LMO7: variants seen among roughly 807,000 people sequenced by gnomAD.
LMO7 encodes LIM domain only protein 7.
Under a neutral mutation model 206.5 loss-of-function variants are expected in LMO7, and 120 were observed. That is an observed-to-expected ratio of 0.58 (90% confidence interval 0.50 to 0.68). LMO7 has a LOEUF of 0.68. LMO7 is among the 30% of genes least tolerant of loss of function. The pLI is 0.00. For synonymous variants in LMO7, 706 were observed against 681.5 expected, an observed-to-expected ratio of 1.04 and a Z score of -0.56; for missense variants, 1,959 against 1,957.9, an observed-to-expected ratio of 1.00 and a Z score of -0.01.
At chr13:75,763,755 G>A (rs2048493493) in intron 4 of LMO7, among the ~76,000 whole-genome samples, 1 of 152,108 alleles carries the variant, frequency 6.6e-6, no homozygotes, top group African/African-American at 2.4e-5. Flanking sequence ...GCTGGCAAAT[G>A]AGGGGAACTT....
intron 20 of LMO7, among the ~76,000 whole-genome samples, chr13:75,839,196 A>G (rs147635776): frequency 1.4e-4 from 22 of 152,252 alleles, no homozygotes; most frequent in African/African-American, 5.3e-4. Context: ...CTGTTTTTCT[A>G]TGGCTATTTA....
chr13:75,620,932 C>T (rs1033953689), exon 1 of LMO7: 1 of 151,980 alleles, frequency 6.6e-6, no homozygotes, highest in African/African-American at 2.4e-5. Flanking sequence ...AAAAAAAATA[C>T]ATTATTAGGA....
In LMO7 at chr13:75,838,340, T is replaced by C. The variant is rs1258390697; in HGVS notation, c.3451+144T>C. 2.6e-6 allele frequency: 4 copies of C among 1,509,912 alleles called. No individual in the cohort carries two copies. The African/African-American group carries it at 5.5e-5, about 21-fold the overall frequency. 93.5% of individuals were successfully genotyped at this position (1,509,912 alleles called of 1,614,324 possible). On this transcript the variant is annotated intron_variant, in intron 20 of 30. Coordinates refer to ENST00000377534, the MANE Select transcript of LMO7 (RefSeq NM_001306080.2). Reference sequence around the variant, plus strand: ...AGCGACATAACCCATTTCCATTCTTTCCCTAGGGTCATCAGGCTTTTCTTA... The same window carrying C: ...AGCGACATAACCCATTTCCATTCTTCCCCTAGGGTCATCAGGCTTTTCTTA...
At chr13:75,852,436 A>G (rs2060572410) in intron 27 of LMO7, among the ~76,000 whole-genome samples, 1 of 152,306 alleles carries the variant, frequency 6.6e-6, no homozygotes, top group Admixed American at 6.5e-5. Context: ...AACCACCATG[A>G]CATTCACTTG....
intron 1 of LMO7, among the ~76,000 whole-genome samples, chr13:75,661,667 G>A (rs544254918): frequency 9.2e-5 from 14 of 152,314 alleles, no homozygotes; most frequent in African/African-American, 1.7e-4. Context: ...CACAGGAGGC[G>A]TGGAAAATGT....
intron 30 of LMO7, chr13:75,856,829 A>G (rs1048117185): frequency 2.3e-6 from 1 of 435,004 alleles, no homozygotes; most frequent in Admixed American, 3.8e-5. Flanking sequence ...CAAGGAATGG[A>G]GAGGAACAGT....
At chr13:75,711,610 G>A (rs933095729) in intron 1 of LMO7, among the ~76,000 whole-genome samples, 10 of 152,160 alleles carry the variant, frequency 6.6e-5, no homozygotes, top group Non-Finnish European at 1.3e-4. Flanking sequence ...CGCTCGGTGC[G>A]CTGCACCCCC....
intron 3 of LMO7, among the ~76,000 whole-genome samples, chr13:75,730,912 G>T (rs1297988919): frequency 4.7e-5 from 7 of 148,578 alleles, no homozygotes; most frequent in African/African-American, 1.5e-4. Context: ...GGAGCAGGTT[G>T]TTCAGTTTCC....
chr13:75,645,810 T>A (rs1029295743), intron 1 of LMO7, among the ~76,000 whole-genome samples: 1 of 152,230 alleles, frequency 6.6e-6, no homozygotes, highest in African/African-American at 2.4e-5. Context: ...TTTTCTGTGC[T>A]CAGTCCTCCT....
Position 75,807,848 on chromosome 13 carries a change from T to C in LMO7, c.1565T>C (p.Ile522Thr). Residue 522 changes from isoleucine to threonine, a missense_variant, in exon 10 of 31, where the codon ATT (isoleucine) becomes ACT (threonine). Transcript: ENST00000377534. The part of the protein sequence containing the change: ...LEKDDMIVRR[I>T]PAQKKEVPLS... The stretch of plus-strand genomic sequence containing the variant: ...AAAGATGATATGATTGTTCGCCGAA[T>C]TCCAGCACAGAAGAAAGAAGTGCCG... 1 of 1,613,890 alleles carries C rather than the reference T, an allele frequency of 6.2e-7. No homozygotes were observed. The highest frequency in any genetic ancestry group is 8.5e-7 in the Non-Finnish European group (1 of 1,179,804).
At position 75,708,247 on chromosome 13, in the gene LMO7, A is replaced by T. The variant is rs955574890; in HGVS notation, c.70-4935A>T. The stretch of plus-strand genomic sequence containing the variant: ...AGAGAGGTTATGTAACTTGCTTAAG[A>T]TCACACAGTTATTAGGTAGTGAATG... On this transcript the variant is annotated intron_variant, in intron 1 of 30. Coordinates refer to ENST00000377534, the MANE Select transcript of LMO7 (RefSeq NM_001306080.2). Among the ~76,000 whole-genome samples, 15 of 152,334 alleles carry T rather than the reference A, an allele frequency of 9.8e-5. No homozygotes were observed. In the East Asian group the frequency reaches 2.7e-3, roughly 27 times the overall value.
rs987431524 is a variant in LMO7, at chr13:75,760,455, A to G, written c.211-477A>G. On this transcript the variant is annotated intron_variant, in intron 3 of 30. Coordinates refer to ENST00000377534, the MANE Select transcript of LMO7 (RefSeq NM_001306080.2). The stretch of plus-strand genomic sequence containing the variant: ...GTGTGGTATTCCACAGTCGTTCTGT[A>G]ATTTGTAATCATAGAAACAGAATGT... The G allele has an allele frequency of 4.2e-6, 5 of 1,183,794 alleles. No homozygotes were observed. In the African/African-American group the frequency reaches 7.9e-5, roughly 19 times the overall value. The allele number at this position is 1,183,794 out of a possible 1,614,324, so 73.3% of individuals were successfully genotyped here.
chr13:75,721,171 G>T (rs892552793), intron 2 of LMO7, among the ~76,000 whole-genome samples: 1 of 152,170 alleles, frequency 6.6e-6, no homozygotes, highest in African/African-American at 2.4e-5. Flanking sequence ...CTAGGGAGGA[G>T]TGTTGTTGGT....
upstream of LMO7, among the ~76,000 whole-genome samples, chr13:75,632,664 C>A (rs2035095706): frequency 6.6e-6 from 1 of 152,156 alleles, no homozygotes. Context: ...GGGCTGCCGC[C>A]CCCAAAGCTA....
chr13:75,714,054 G>A (rs186375155), intron 2 of LMO7, among the ~76,000 whole-genome samples: 2 of 152,240 alleles, frequency 1.3e-5, no homozygotes, highest in Admixed American at 6.5e-5. Context: ...GACACTTATC[G>A]CACAGGTATT....
chr13:75,747,266 A>G (rs1038717988), intron 3 of LMO7, among the ~76,000 whole-genome samples: 2 of 152,132 alleles, frequency 1.3e-5, no homozygotes, highest in Non-Finnish European at 2.9e-5. Context: ...AGGGTTTACA[A>G]TTCAGATTCT....
At chr13:75,628,601 A>G (rs2034508442) in intron 2 of LMO7, 1 of 152,230 alleles carries the variant, frequency 6.6e-6, no homozygotes, top group East Asian at 1.9e-4. Context: ...AAGCTGTCAT[A>G]TAAGCATGAG....
intron 11 of LMO7, among the ~76,000 whole-genome samples, chr13:75,811,595 A>G (rs1027838268): frequency 1.3e-5 from 2 of 152,226 alleles, no homozygotes; most frequent in Non-Finnish European, 2.9e-5. Flanking sequence ...TTAAAGAGAA[A>G]TGTGCAGTAT....
chr13:75,643,966 G>T (rs528147573), intron 1 of LMO7, among the ~76,000 whole-genome samples: 2 of 152,288 alleles, frequency 1.3e-5, no homozygotes, highest in South Asian at 4.1e-4. Flanking sequence ...GCATAATGGG[G>T]ATTGTCATGT....
Sources: allele counts gnomAD v4.1 joint callset (sites outside exome capture counted in the v4.1 genomes callset), GRCh38; gene constraint gnomAD v4.1.1; transcripts MANE v1.5; gene names NCBI Gene and HGNC (gene_info 2026-07-23, HGNC 2026-07-21).